Variants in TACR3 observed in about 807,000 individuals in gnomAD.
TACR3 encodes the protein tachykinin receptor 3, also known as neuromedin-K receptor.
TACR3 carries 34 observed loss-of-function variants against 35.0 expected under a neutral mutation model. That is an observed-to-expected ratio of 0.97 (90% CI 0.74 to 1.30). The LOEUF (loss-of-function observed/expected upper bound fraction) is 1.30. TACR3 is among the 50% of genes most tolerant of loss of function. The pLI, the probability that TACR3 is intolerant of heterozygous loss-of-function variation, is 0.00. For missense variants in TACR3, 558 were observed against 591.7 expected, an observed-to-expected ratio of 0.94 and a Z score of 0.59; for synonymous variants, 233 against 221.1, an observed-to-expected ratio of 1.05 and a Z score of -0.48.
At chr4:103,657,700 C>T (rs1329171228) in intron 2 of TACR3, among the ~76,000 whole-genome samples, 1 of 151,630 alleles carries the variant, frequency 6.6e-6, no homozygotes, top group African/African-American at 2.4e-5. Flanking sequence ...CAAATTTTAC[C>T]ATATATTATA....
At chr4:103,648,614 G>T (rs182645638) in intron 3 of TACR3, among the ~76,000 whole-genome samples, 1 of 152,128 alleles carries the variant, frequency 6.6e-6, no homozygotes, top group East Asian at 1.9e-4. Flanking sequence ...GCAAGTGAAA[G>T]AATCTCATTC....
At chr4:103,594,266 C>G (rs965660931) in intron 3 of TACR3, among the ~76,000 whole-genome samples, 1 of 151,900 alleles carries the variant, frequency 6.6e-6, no homozygotes, top group Non-Finnish European at 1.5e-5. Context: ...CAACCTCTGC[C>G]TCCCGGGTTC....
intron 3 of TACR3, among the ~76,000 whole-genome samples, chr4:103,606,348 C>T (rs1469629559): frequency 6.6e-6 from 1 of 152,016 alleles, no homozygotes; most frequent in Non-Finnish European, 1.5e-5. Context: ...GTAGTTTTTT[C>T]CAATTCTGTG....
At chr4:103,719,036 G>A (rs1009288794) in intron 1 of TACR3, 92 bp downstream of exon 1, 8 of 1,540,974 alleles carry the variant, frequency 5.2e-6, no homozygotes, top group Non-Finnish European at 7.1e-6. Flanking sequence ...TATAGACCCC[G>A]TTACGTTACT....
intron 3 of TACR3, among the ~76,000 whole-genome samples, chr4:103,598,934 C>A (rs1251976322): frequency 6.6e-6 from 1 of 152,026 alleles, no homozygotes; most frequent in East Asian, 1.9e-4. Context: ...CTTGGTGATG[C>A]AGGCTCTTTT....
At chr4:103,648,024 T>C (rs1725498129) in intron 3 of TACR3, among the ~76,000 whole-genome samples, 1 of 151,864 alleles carries the variant, frequency 6.6e-6, no homozygotes, top group African/African-American at 2.4e-5. Context: ...CTAAAAGTAG[T>C]GGGAGAAAGA....
At chr4:103,709,729 A>G (rs183025640) in intron 1 of TACR3, among the ~76,000 whole-genome samples, 1 of 152,354 alleles carries the variant, frequency 6.6e-6, no homozygotes, top group Non-Finnish European at 1.5e-5. Flanking sequence ...ATAAAGAGTC[A>G]AGAACCATCA....
At chr4:103,695,308 T>TGA in intron 1 of TACR3, among the ~76,000 whole-genome samples, 1 of 152,232 alleles carries the variant, frequency 6.6e-6, no homozygotes, top group South Asian at 2.1e-4. Flanking sequence ...CTCCTGTTTC[T>TGA]CCTTCCACCT....
intron 3 of TACR3, among the ~76,000 whole-genome samples, chr4:103,606,106 G>C (rs1405905841): frequency 1.8e-4 from 27 of 151,714 alleles, no homozygotes; most frequent in Admixed American, 3.3e-4. Context: ...TCTTGTTTTT[G>C]TCAGGTTTGT....
At chr4:103,714,956 T>C (rs1293295095) in intron 1 of TACR3, among the ~76,000 whole-genome samples, 2 of 152,128 alleles carry the variant, frequency 1.3e-5, no homozygotes, top group Non-Finnish European at 2.9e-5. Context: ...AAAAGTGAAA[T>C]AGAAGATTAC....
intron 3 of TACR3, among the ~76,000 whole-genome samples, chr4:103,609,185 T>C (rs1724455423): frequency 6.6e-6 from 1 of 152,086 alleles, no homozygotes; most frequent in Non-Finnish European, 1.5e-5. Flanking sequence ...AGTGATAAGC[T>C]ACTAATAGAA....
At chr4:103,654,517 A>T (rs955154600) in intron 3 of TACR3, among the ~76,000 whole-genome samples, 1 of 127,162 alleles carries the variant, frequency 7.9e-6, no homozygotes, top group African/African-American at 3.1e-5. Flanking sequence ...GGACACAGGA[A>T]GGGGAACATC....
Position 103,719,239 on chromosome 4 carries a change from G to T in TACR3, c.437C>A (p.Ala146Glu). 1 of 1,614,200 alleles carries T rather than the reference G, an allele frequency of 6.2e-7. No individual in the cohort carries two copies. The highest frequency in any genetic ancestry group is 1.1e-5 in the South Asian group (1 of 91,086). Residue 146 changes from alanine (A) to glutamate (E), a missense_variant, in exon 1 of 5, where the codon GCG becomes GAG. Transcript: ENST00000304883. ...GCCAAAGTACCACTCGCTATGAAGC[G>T]CGTAGATGAAATTGACCAACGTGTT... ...AFNTLVNFIY[A>E]LHSEWYFGAN...
intron 1 of TACR3, among the ~76,000 whole-genome samples, chr4:103,678,266 A>G (rs960579853): frequency 2.0e-5 from 3 of 152,118 alleles, no homozygotes; most frequent in Admixed American, 2.0e-4. Flanking sequence ...TTTTTTTATC[A>G]GTTAAATAGT....
intron 1 of TACR3, among the ~76,000 whole-genome samples, chr4:103,665,159 A>G (rs1725910451): frequency 6.6e-6 from 1 of 151,972 alleles, no homozygotes; most frequent in African/African-American, 2.4e-5. Context: ...CATTTAGATG[A>G]TTATAAATGT....
intron 3 of TACR3, among the ~76,000 whole-genome samples, chr4:103,621,222 G>C (rs780733865): frequency 6.6e-6 from 1 of 152,158 alleles, no homozygotes; most frequent in Non-Finnish European, 1.5e-5. Context: ...AAGCAGGGAC[G>C]AGTCTTCTGA....
At chr4:103,606,115 G>A (rs908396258) in intron 3 of TACR3, among the ~76,000 whole-genome samples, 6 of 151,816 alleles carry the variant, frequency 4.0e-5, no homozygotes, top group African/African-American at 1.2e-4. Flanking sequence ...TGTCAGGTTT[G>A]TCAAAGATCA....
chr4:103,600,322 TG>T (rs1384425893), intron 3 of TACR3, among the ~76,000 whole-genome samples: 3 of 152,194 alleles, frequency 2.0e-5, no homozygotes, highest in Non-Finnish European at 4.4e-5. Context: ...CATTTTTTAT[TG>T]GGTCTATTTG....
chr4:103,719,651 T>G lies in TACR3; in HGVS notation c.25A>C (p.Thr9Pro). ...ACGCCTCCACCCCCGTCTATCCAGG[T>G]TTCTGCTGCTGGGAGAGTGGCCATC... MATLPAAE[T>P]WIDGGGGVGA... The change falls in exon 1 of 5, where the codon ACC becomes CCC. Residue 9 changes from threonine to proline, a missense_variant. Coordinates refer to ENST00000304883, the MANE Select transcript of TACR3 (RefSeq NM_001059.3). 1 of 1,612,470 alleles carries G rather than the reference T, an allele frequency of 6.2e-7. No individual in the cohort carries two copies.
Sources: gnomAD v4.1 joint callset for allele counts (sites outside exome capture counted in the v4.1 genomes callset) on GRCh38, gnomAD v4.1.1 for gene constraint, MANE v1.5 for transcripts, NCBI Gene and HGNC (gene_info 2026-07-23, HGNC 2026-07-21) for gene names.